UNC13B: variants seen among roughly 807,000 people sequenced by gnomAD.
UNC13B encodes the protein protein unc-13 homolog B.
Under a neutral mutation model 211.0 loss-of-function variants are expected in UNC13B, and 144 were observed. That is an observed-to-expected ratio of 0.68 (90% CI 0.60 to 0.78). UNC13B has a LOEUF of 0.78. Among genes scored for constraint, UNC13B ranks in the 30% least tolerant of loss-of-function variants. The probability of loss-of-function intolerance (pLI) is 0.00; values close to 1 mark genes in which losing one functional copy is unlikely to be tolerated. For synonymous variants in UNC13B, 709 were observed against 725.8 expected, an observed-to-expected ratio of 0.98 and a Z score of 0.37; for missense variants, 1,777 against 2,002.0, an observed-to-expected ratio of 0.89 and a Z score of 2.14.
At chr9:35,339,415 C>T (rs1831854137) in intron 11 of UNC13B, among the ~76,000 whole-genome samples, 2 of 152,282 alleles carry the variant, frequency 1.3e-5, no homozygotes, top group South Asian at 4.1e-4. Context: ...AAACAAATTG[C>T]CTGCTTGTCC....
intron 1 of UNC13B, among the ~76,000 whole-genome samples, chr9:35,200,653 T>TAGGA (rs1448660042): frequency 1.2e-4 from 19 of 152,194 alleles, no homozygotes; most frequent in African/African-American, 4.6e-4. Context: ...TATTGGTGTA[T>TAGGA]AGGAATGCTT....
At chr9:35,168,326 A>G (rs1272572822) in intron 1 of UNC13B, among the ~76,000 whole-genome samples, 1 of 152,142 alleles carries the variant, frequency 6.6e-6, no homozygotes, top group Non-Finnish European at 1.5e-5. Flanking sequence ...GGGGTTTCAT[A>G]TACAGATAAT....
chr9:35,222,371 T>G (rs900442723), intron 1 of UNC13B, among the ~76,000 whole-genome samples: 1 of 152,236 alleles, frequency 6.6e-6, no homozygotes, highest in Non-Finnish European at 1.5e-5. Flanking sequence ...CTTACATTTC[T>G]TTTGTTAAAT....
chr9:35,207,067 G>A (rs1823696500), intron 1 of UNC13B, among the ~76,000 whole-genome samples: 1 of 152,114 alleles, frequency 6.6e-6, no homozygotes, highest in South Asian at 2.1e-4. Flanking sequence ...CAAAGTGGCT[G>A]TATCATTGTG....
intron 11 of UNC13B, 25 bp downstream of exon 11, chr9:35,314,014 T>A: frequency 6.3e-7 from 1 of 1,585,014 alleles, no homozygotes; most frequent in Non-Finnish European, 8.7e-7. Flanking sequence ...CTAGTACTGG[T>A]TGGGACAATT....
intron 11 of UNC13B, among the ~76,000 whole-genome samples, chr9:35,336,354 A>G (rs1458612422): frequency 1.3e-5 from 2 of 152,152 alleles, no homozygotes. Context: ...CTCAGAATAT[A>G]TAACATGGGT....
At chr9:35,209,395 T>A (rs1488589930) in intron 1 of UNC13B, among the ~76,000 whole-genome samples, 2 of 151,722 alleles carry the variant, frequency 1.3e-5, no homozygotes, top group African/African-American at 4.9e-5. Flanking sequence ...TTATTATTTT[T>A]AAAATAGAGT....
At chr9:35,381,236 T>G (rs1272958546) in intron 19 of UNC13B, 21 bp downstream of exon 19, 1 of 1,602,188 alleles carries the variant, frequency 6.2e-7, no homozygotes. Flanking sequence ...CCTTGGTAGG[T>G]GGGGGATCAG....
intron 17 of UNC13B, 129 bp from the exon 18 acceptor site, chr9:35,380,341 C>A: frequency 2.0e-6 from 2 of 987,898 alleles, no homozygotes; most frequent in South Asian, 1.7e-5. Flanking sequence ...TTTTGTACTG[C>A]TGTCCTCTGA....
intron 11 of UNC13B, chr9:35,353,730 A>G (rs1438829508): frequency 2.4e-6 from 3 of 1,232,122 alleles, no homozygotes; most frequent in Middle Eastern, 3.1e-4. Context: ...GTTCTAAGAG[A>G]GAAAAGACTA....
At position 35,352,422 on chromosome 9, in the gene UNC13B, T is replaced by C. The variant is rs897890457; in HGVS notation, c.9415-14525T>C. ...CTCTTGCAGAATGTGGGAGTCCGAA[T>C]TGCCACCAGAGAAGAACCAAGCTGC... is the stretch of plus-strand genomic sequence containing the variant. On this transcript the variant is annotated intron_variant, in intron 11 of 39. Transcript: ENST00000635942. The C allele has an allele frequency of 2.4e-6, 3 of 1,232,022 alleles. No individual in the cohort carries two copies. In the African/African-American group the frequency reaches 4.7e-5, roughly 19 times the overall value. 76.3% of individuals were successfully genotyped at this position (1,232,022 alleles called of 1,614,324 possible).
At position 35,403,961 on chromosome 9, in the gene UNC13B, G is replaced by A. The variant is rs993479157; in HGVS notation, c.12951G>A (p.Arg4317=). Residue 4317 remains arginine, a synonymous_variant, in exon 40 of 40, where the codon AGG becomes AGA. Transcript: ENST00000635942. The part of the protein sequence containing the change: ...GLTILRILSQ[R]SNDEVAREFV... ...CCATTCTCCGGATTTTATCTCAGAGGAGCAATGACGAGGTGGCCCGAGAAT... is the reference window on the plus strand; with the variant it reads ...CCATTCTCCGGATTTTATCTCAGAGAAGCAATGACGAGGTGGCCCGAGAAT... 2 of 1,614,136 alleles carry A rather than the reference G, an allele frequency of 1.2e-6. No homozygotes were observed. The highest frequency in any genetic ancestry group is 3.3e-4 in the Middle Eastern group (2 of 6,056).
At chr9:35,289,115 G>A (rs1828954158) in intron 7 of UNC13B, among the ~76,000 whole-genome samples, 1 of 152,074 alleles carries the variant, frequency 6.6e-6, no homozygotes. Flanking sequence ...GAGAAGAAGA[G>A]ACATAGGTGG....
rs2131849571 is a variant in UNC13B, at chr9:35,307,813, G to A, written c.8409G>A (p.Glu2803=). The part of the protein sequence containing the change: ...SPLPSGNRAA[E]TGLMSSFKKL... Reference sequence around the variant, plus strand: ...TCCCCTCTGGCAATAGAGCAGCAGAGACTGGTTTAATGTCCAGTTTTAAGA... The same window carrying A: ...TCCCCTCTGGCAATAGAGCAGCAGAAACTGGTTTAATGTCCAGTTTTAAGA... Residue 2803 remains glutamate (E), a synonymous_variant, in exon 9 of 40, where the codon GAG becomes GAA. Coordinates refer to ENST00000635942, the MANE Select transcript of UNC13B (RefSeq NM_001371189.2). The A allele has an allele frequency of 5.0e-6, 2 of 399,040 alleles. No homozygotes were observed. Among genetic ancestry groups the A allele is most frequent in the East Asian group, 7.1e-5 (2 of 28,066 alleles). The allele number at this position is 399,040 out of a possible 1,614,324, so 24.7% of individuals were successfully genotyped here.
At chr9:35,254,931 A>AT (rs1413334562) in intron 6 of UNC13B, among the ~76,000 whole-genome samples, 1 of 123,434 alleles carries the variant, frequency 8.1e-6, no homozygotes, top group Non-Finnish European at 1.6e-5. Context: ...TATATAATAT[A>AT]ATATATATTA....
intron 6 of UNC13B, among the ~76,000 whole-genome samples, chr9:35,252,585 G>A (rs536275253): frequency 1.3e-5 from 2 of 151,954 alleles, no homozygotes; most frequent in African/African-American, 4.8e-5. Context: ...GGGATTTCAG[G>A]CGGAAGCCAC....
chr9:35,385,567 G>A, intron 22 of UNC13B, 157 bp from the exon 23 acceptor site: 1 of 985,458 alleles, frequency 1.0e-6, no homozygotes, highest in Non-Finnish European at 1.2e-6. Flanking sequence ...ATAGAAAAAA[G>A]AGAAGGAGAC....
chr9:35,386,416 G>A (rs1835195235), intron 24 of UNC13B, 123 bp downstream of exon 24: 1 of 1,355,380 alleles, frequency 7.4e-7, no homozygotes. Flanking sequence ...GGGTGAGTGA[G>A]TTGTGGAGTA....
Position 35,400,179 on chromosome 9 carries a change from T to C in UNC13B, c.12337-117T>C, listed in dbSNP as rs1012406111. Reference sequence around the variant, plus strand: ...TCCAAGAGCCTATGCTCTGGTTCTGTGGGTGTTCCTGAACAGCCTATTCTC... The same window carrying C: ...TCCAAGAGCCTATGCTCTGGTTCTGCGGGTGTTCCTGAACAGCCTATTCTC... On this transcript the variant is annotated intron_variant, in intron 36 of 39. Coordinates refer to ENST00000635942, the MANE Select transcript of UNC13B (RefSeq NM_001371189.2). The C allele has an allele frequency of 4.9e-6, 7 of 1,417,600 alleles. No individual in the cohort carries two copies. The African/African-American group carries it at 5.7e-5, about 12-fold the overall frequency. The allele number at this position is 1,417,600 out of a possible 1,614,324, so 87.8% of individuals were successfully genotyped here.
Sources: allele counts gnomAD v4.1 joint callset (sites outside exome capture counted in the v4.1 genomes callset), GRCh38; gene constraint gnomAD v4.1.1; transcripts MANE v1.5; gene names NCBI Gene and HGNC (gene_info 2026-07-23, HGNC 2026-07-21).